Variants in TENM4 observed in about 807,000 individuals in gnomAD.
TENM4 encodes teneurin transmembrane protein 4.
In TENM4, 82 loss-of-function variants were observed where a neutral mutation model predicts 243.3. The ratio of observed to expected loss-of-function variants is 0.34; its 90% CI spans 0.28 to 0.40. The LOEUF (loss-of-function observed/expected upper bound fraction) is 0.40. Among genes scored for constraint, TENM4 ranks in the 10% least tolerant of loss-of-function variants. TENM4 has a pLI of 1.00. For missense variants in TENM4, 3,138 were observed against 3,673.3 expected, an observed-to-expected ratio of 0.85 and a Z score of 3.77; for synonymous variants, 1,412 against 1,456.3, an observed-to-expected ratio of 0.97 and a Z score of 0.69.
At chr11:78,666,763 C>G (rs1487261148) in intron 32 of TENM4, among the ~76,000 whole-genome samples, 1 of 152,150 alleles carries the variant, frequency 6.6e-6, no homozygotes, top group African/African-American at 2.4e-5. Context: ...GGAGTCTCAT[C>G]TGCAGAAAGG....
At chr11:79,276,477 T>A (rs1040035697) in intron 2 of TENM4, among the ~76,000 whole-genome samples, 1 of 152,070 alleles carries the variant, frequency 6.6e-6, no homozygotes, top group Non-Finnish European at 1.5e-5. Context: ...AAAGTGTAGA[T>A]GTTTGGAGGG....
intron 9 of TENM4, among the ~76,000 whole-genome samples, chr11:78,865,751 C>T (rs752478051): frequency 5.9e-5 from 9 of 152,150 alleles, no homozygotes; most frequent in Non-Finnish European, 1.3e-4. Flanking sequence ...CAACGAGATC[C>T]GACACTTTGC....
intron 1 of TENM4, among the ~76,000 whole-genome samples, chr11:79,409,106 G>A (rs1387773714): frequency 5.7e-5 from 3 of 52,992 alleles, no homozygotes; most frequent in East Asian, 4.4e-4. Flanking sequence ...GTGTGTGCGC[G>A]CGCGCGCGTG....
At position 78,903,397 on chromosome 11, in the gene TENM4, G is replaced by C. The variant is rs1165216331; in HGVS notation, c.620C>G (p.Pro207Arg). ...INSLNRGNFTPRSNPSPAPTD... is the reference protein window; with the variant it reads ...INSLNRGNFTRRSNPSPAPTD... ...GGGGGCCGGGCTGGGGTTGCTCCTC[G>C]GCGTGAAGTTGCCCCGGTTCAGGGA... Residue 207 changes from proline (P) to arginine (R), a missense_variant, in exon 7 of 34, where the codon CCG becomes CGG. Around this residue, in one of 2 missense-constraint regions of TENM4, gnomAD observed 671 missense variants for 614.1 expected, o/e 1.09. Transcript: ENST00000278550. 3.3e-6 allele frequency: 5 copies of C among 1,535,836 alleles called. No individual in the cohort carries two copies. Among genetic ancestry groups the C allele is most frequent in the Middle Eastern group, 1.7e-4 (1 of 5,900 alleles).
rs551408656 is a variant in TENM4 at position 79,003,575 on chromosome 11, A to T, written c.493+61163T>A. On this transcript the variant is annotated intron_variant, in intron 6 of 33. Coordinates refer to ENST00000278550, the MANE Select transcript of TENM4 (RefSeq NM_001098816.3). The stretch of plus-strand genomic sequence containing the variant: ...AAGCTTCATAAGCAAAGAAGAAATA[A>T]AATACTTTTCAGATAAGCAAATGGT... Among the ~76,000 whole-genome samples, 19 of 152,304 alleles carry T rather than the reference A, an allele frequency of 1.2e-4. No homozygotes were observed. In the South Asian group the frequency reaches 3.9e-3, roughly 32 times the overall value.
chr11:78,813,986 T>C (rs1411603184), intron 13 of TENM4, among the ~76,000 whole-genome samples: 1 of 152,080 alleles, frequency 6.6e-6, no homozygotes, highest in Admixed American at 6.5e-5. Context: ...ATCAACGTTT[T>C]AAAAGAACCC....
Position 78,778,513 on chromosome 11 carries a change from T to C in TENM4, c.2392+89A>G, listed in dbSNP as rs1002005246. The C allele has an allele frequency of 9.4e-6, 13 of 1,381,396 alleles. No homozygotes were observed. In the East Asian group the frequency reaches 3.0e-4, roughly 31 times the overall value. 85.6% of individuals were successfully genotyped at this position (1,381,396 alleles called of 1,614,324 possible). A position where few individuals can be genotyped will look rare whatever the true frequency, so the allele number is the denominator to read the frequency against. On this transcript the variant is annotated intron_variant, in intron 17 of 33. Transcript: ENST00000278550. ...AGACATCATGCTTATGTGGTGTATA[T>C]ACATTTTTATATACACATTTCTTCT...
At chr11:78,844,924 T>A (rs570009632) in intron 12 of TENM4, among the ~76,000 whole-genome samples, 2 of 152,358 alleles carry the variant, frequency 1.3e-5, no homozygotes, top group South Asian at 4.1e-4. Context: ...AGGGTGACTC[T>A]TTTCTTGTAT....
intron 1 of TENM4, among the ~76,000 whole-genome samples, chr11:79,392,708 C>T (rs908984567): frequency 6.6e-6 from 1 of 152,340 alleles, no homozygotes; most frequent in East Asian, 1.9e-4. Flanking sequence ...CAACTCTGGG[C>T]AAGCTACAGA....
intron 18 of TENM4, among the ~76,000 whole-genome samples, chr11:78,758,957 A>C (rs1199943934): frequency 1.3e-5 from 2 of 152,190 alleles, no homozygotes; most frequent in African/African-American, 4.8e-5. Context: ...TTTGTTATAT[A>C]GATAAAAAGT....
rs1167645446 is a variant in TENM4, at chr11:79,330,522, TTAA to T, written c.-320-32982_-320-32980del. Among the ~76,000 whole-genome samples the T allele has an allele frequency of 2.6e-5, 4 of 152,240 alleles. No homozygotes were observed. The East Asian group carries it at 7.7e-4, about 29-fold the overall frequency. ...ATTCAGCCTGGTGCACAGACAGAAC[TTAA>T]TAAAGGGCAAATGCAAGAACAAATG... is the stretch of plus-strand genomic sequence containing the variant. On this transcript the variant is annotated intron_variant, in intron 1 of 33. Transcript: ENST00000278550.
intron 3 of TENM4, among the ~76,000 whole-genome samples, chr11:79,198,805 A>G (rs550261355): frequency 6.6e-6 from 1 of 152,190 alleles, no homozygotes; most frequent in South Asian, 2.1e-4. Flanking sequence ...TTTCCTTCTG[A>G]GTGTGTTGAG....
rs61885377 is a variant in TENM4, at chr11:79,280,072, T to C, written c.-265+17416A>G. Among the ~76,000 whole-genome samples the C allele has an allele frequency of 5.7e-3, 869 of 152,262 alleles. 6 individuals are homozygous for C. Among genetic ancestry groups the C allele is most frequent in the Non-Finnish European group, 9.8e-3 (665 of 68,014 alleles). The stretch of plus-strand genomic sequence containing the variant: ...CATTTTGAAAGCAGAGACCAAGCCC[T>C]CACCAAAAATCAAACCTGTTTCATC... On this transcript the variant is annotated intron_variant, in intron 2 of 33. Coordinates refer to ENST00000278550, the MANE Select transcript of TENM4 (RefSeq NM_001098816.3).
intron 29 of TENM4, among the ~76,000 whole-genome samples, chr11:78,686,724 TC>T (rs1439813129): frequency 6.6e-6 from 1 of 152,218 alleles, no homozygotes; most frequent in Non-Finnish European, 1.5e-5. Context: ...GTCACAGAAG[TC>T]TTCTGTTGAT....
intron 32 of TENM4, among the ~76,000 whole-genome samples, chr11:78,667,927 G>T (rs1370840406): frequency 6.6e-6 from 1 of 152,210 alleles, no homozygotes; most frequent in Non-Finnish European, 1.5e-5. Flanking sequence ...GAGGGCCTCT[G>T]TGGCTAACCT....
At chr11:79,260,616 T>G (rs1224912618) in intron 2 of TENM4, among the ~76,000 whole-genome samples, 1 of 152,178 alleles carries the variant, frequency 6.6e-6, no homozygotes, top group Admixed American at 6.5e-5. Context: ...TCTTCCCTGT[T>G]GCCCAGTATG....
chr11:79,113,405 G>A (rs1231060044), intron 4 of TENM4, among the ~76,000 whole-genome samples: 1 of 151,602 alleles, frequency 6.6e-6, no homozygotes, highest in Non-Finnish European at 1.5e-5. Flanking sequence ...GTGTGTGTGT[G>A]TGTGTGTGTG....
At chr11:78,811,906 A>G (rs1857509162) in intron 14 of TENM4, among the ~76,000 whole-genome samples, 1 of 152,222 alleles carries the variant, frequency 6.6e-6, no homozygotes, top group Admixed American at 6.5e-5. Flanking sequence ...AGTGCTCAAT[A>G]CATGACATTT....
chr11:79,398,001 A>G (rs113792949), intron 1 of TENM4, among the ~76,000 whole-genome samples: 3,063 of 152,312 alleles, frequency 0.02, 123 homozygotes, highest in African/African-American at 0.071. Flanking sequence ...ATTCCCAGCG[A>G]GGAAAAATTA....
Sources: gnomAD v4.1 joint callset for allele counts (sites outside exome capture counted in the v4.1 genomes callset) on GRCh38, gnomAD v4.1.1 for gene constraint, gnomAD v4.1.1 regional missense constraint, MANE v1.5 for transcripts, NCBI Gene and HGNC (gene_info 2026-07-23, HGNC 2026-07-21) for gene names.